MCTS1: variants seen among roughly 807,000 people sequenced by gnomAD.
MCTS1 encodes malignant T-cell-amplified sequence 1.
For missense variants in MCTS1, 55 were observed against 128.6 expected, an observed-to-expected ratio of 0.43 and a Z score of 2.77; for synonymous variants, 26 against 40.8, an observed-to-expected ratio of 0.64 and a Z score of 1.38.
rs1346864019 is a variant in MCTS1 at position 120,615,753 on chromosome X, ACTGT to A, written c.*3494_*3497del. Among the ~76,000 whole-genome samples the A allele has an allele frequency of 9.0e-6, 1 of 111,346 alleles. No individual in the cohort carries two copies. Among genetic ancestry groups the A allele is most frequent in the Non-Finnish European group, 1.9e-5 (1 of 53,031 alleles). ...GGCCTGATCAGTTCTCTTCTAGCAG[ACTGT>A]CTGTTATGGTGGTTTGGTAGTGGTC... On this transcript the variant is annotated 3_prime_UTR_variant, in exon 6 of 6. Transcript: ENST00000371317.
Position 120,614,359 on chromosome X carries a change from A to T in MCTS1, c.*2095A>T, listed in dbSNP as rs1447317553. On this transcript the variant is annotated 3_prime_UTR_variant, in exon 6 of 6. Transcript: ENST00000371317. ...GGTAATATTTCAGTTGTGCTGAGGT[A>T]AGACTTGGAGAATTTTTCCTGCTTC... Among the ~76,000 whole-genome samples, 1 of 112,225 alleles carries T rather than the reference A, an allele frequency of 8.9e-6. No homozygotes were observed. The highest frequency in any genetic ancestry group is 1.9e-5 in the Non-Finnish European group (1 of 53,231).
chrX:120,607,919 G>GTTA (rs1305160492), intron 3 of MCTS1, among the ~76,000 whole-genome samples: 1 of 110,895 alleles, frequency 9.0e-6, no homozygotes. Context: ...AAAAACCATA[G>GTTA]TTTTGAAATT....
rs1351206313 is a variant in MCTS1 at position 120,617,611 on chromosome X, G to A, written c.*5347G>A. Among the ~76,000 whole-genome samples the A allele has an allele frequency of 8.9e-6, 1 of 111,897 alleles. No individual in the cohort carries two copies. Among genetic ancestry groups the A allele is most frequent in the East Asian group, 2.8e-4 (1 of 3,594 alleles). On this transcript the variant is annotated 3_prime_UTR_variant, in exon 6 of 6. Transcript: ENST00000371317. ...AATGCTTTACTTTCAGCCAATATGT[G>A]AATATAGGAGACTTCAAAAGCATAA...
At chrX:120,609,596 A>G (rs940735076) in intron 4 of MCTS1, among the ~76,000 whole-genome samples, 3 of 112,123 alleles carry the variant, frequency 2.7e-5, no homozygotes, top group Non-Finnish European at 5.6e-5. Flanking sequence ...TTATGTTGAC[A>G]TGCTTTTTGC....
rs991516684 is a variant in MCTS1 at position 120,614,370 on chromosome X, A to C, written c.*2106A>C. On this transcript the variant is annotated 3_prime_UTR_variant, in exon 6 of 6. Transcript: ENST00000371317. The stretch of plus-strand genomic sequence containing the variant: ...AGTTGTGCTGAGGTAAGACTTGGAG[A>C]ATTTTTCCTGCTTCATCATTAATTA... Among the ~76,000 whole-genome samples the C allele has an allele frequency of 1.8e-5, 2 of 111,952 alleles. No homozygotes were observed. Among genetic ancestry groups the C allele is most frequent in the East Asian group, 5.6e-4 (2 of 3,594 alleles).
intron 1 of MCTS1, chrX:120,604,719 C>G: frequency 9.6e-7 from 1 of 1,042,798 alleles, no homozygotes; most frequent in East Asian, 3.7e-5. Flanking sequence ...TATTGCCTAG[C>G]TGCCAGATTA....
In MCTS1 at chrX:120,614,950, C is replaced by T. The variant is rs776129954; in HGVS notation, c.*2686C>T. Among the ~76,000 whole-genome samples, 4 of 112,107 alleles carry T rather than the reference C, an allele frequency of 3.6e-5. No individual in the cohort carries two copies. In the East Asian group the frequency reaches 1.1e-3, roughly 31 times the overall value. On this transcript the variant is annotated 3_prime_UTR_variant, in exon 6 of 6. Transcript: ENST00000371317. The stretch of plus-strand genomic sequence containing the variant: ...TAAGGAACACTTTTTAAATATTCAA[C>T]ATCAACATCTGTGCTTGTTTTTCTA...
Position 120,615,473 on chromosome X carries a change from G to A in MCTS1, c.*3209G>A, listed in dbSNP as rs1159535776. ...GCTCTTAAGGAGCTTCCAATCTAGT[G>A]AGTAAAGAAAATTTACATTTTAAAT... On this transcript the variant is annotated 3_prime_UTR_variant, in exon 6 of 6. Transcript: ENST00000371317. Among the ~76,000 whole-genome samples, 1 of 111,677 alleles carries A rather than the reference G, an allele frequency of 9.0e-6. No homozygotes were observed. Among genetic ancestry groups the A allele is most frequent in the African/African-American group, 3.3e-5 (1 of 30,756 alleles).
rs1926776385 is a variant in MCTS1 at position 120,614,064 on chromosome X, G to A, written c.*1800G>A. ...TTACAGTTAGAAGTTGGTGAGAAAG[G>A]TGAGGGTGGATAGCAAAAAGAGAGA... is the stretch of plus-strand genomic sequence containing the variant. On this transcript the variant is annotated 3_prime_UTR_variant, in exon 6 of 6. Transcript: ENST00000371317. Among the ~76,000 whole-genome samples, 2 of 112,132 alleles carry A rather than the reference G, an allele frequency of 1.8e-5. No individual in the cohort carries two copies. The highest frequency in any genetic ancestry group is 7.3e-4 in the South Asian group (2 of 2,755).
intron 1 of MCTS1, chrX:120,604,864 G>A: frequency 8.6e-7 from 1 of 1,159,284 alleles, no homozygotes; most frequent in South Asian, 2.0e-5. Flanking sequence ...ATGGGCAAAG[G>A]AAGGTGGGTT....
At position 120,612,970 on chromosome X, in the gene MCTS1, A is replaced by T. The variant is rs1355732403; in HGVS notation, c.*706A>T. Among the ~76,000 whole-genome samples the T allele has an allele frequency of 1.0e-5, 1 of 98,769 alleles. No homozygotes were observed. 85.8% of individuals were successfully genotyped at this position (98,769 alleles called of 115,157 possible). On this transcript the variant is annotated 3_prime_UTR_variant, in exon 6 of 6. Coordinates refer to ENST00000371317, the MANE Select transcript of MCTS1 (RefSeq NM_014060.3). ...GAAACAGGGTCTTGCTCTGTTGCCC[A>T]GGCTGGAGTGCAGTGGTACGATCTT... is the stretch of plus-strand genomic sequence containing the variant.
rs1377870696 is a variant in MCTS1 at position 120,618,564 on chromosome X, T to G, written c.*6300T>G. On this transcript the variant is annotated 3_prime_UTR_variant, in exon 6 of 6. Transcript: ENST00000371317. Reference sequence around the variant, plus strand: ...CATTTTAGATTTAAGCAAGTTCAACTTGAAATATATTTGAATATGAAGTAG... The same window carrying G: ...CATTTTAGATTTAAGCAAGTTCAACGTGAAATATATTTGAATATGAAGTAG... 8.9e-6 allele frequency among the ~76,000 whole-genome samples: 1 copy of G among 112,461 alleles called. No individual in the cohort carries two copies. The highest frequency in any genetic ancestry group is 3.2e-5 in the African/African-American group (1 of 30,995).
rs2147375854 is a variant in MCTS1, at chrX:120,612,769, A to G, written c.*505A>G. On this transcript the variant is annotated 3_prime_UTR_variant, in exon 6 of 6. Transcript: ENST00000371317. ...ATGGAAAATTCTAAACATATTAAGA[A>G]GTCTGGAGAATAGTATAATGGACCT... Among the ~76,000 whole-genome samples the G allele has an allele frequency of 9.2e-6, 1 of 108,287 alleles. No individual in the cohort carries two copies. Among genetic ancestry groups the G allele is most frequent in the East Asian group, 2.9e-4 (1 of 3,459 alleles). 94.0% of individuals were successfully genotyped at this position (108,287 alleles called of 115,157 possible). A position where few individuals can be genotyped will look rare whatever the true frequency, so the allele number is the denominator to read the frequency against.
At position 120,617,248 on chromosome X, in the gene MCTS1, A is replaced by G. The variant is rs1437167783; in HGVS notation, c.*4984A>G. Among the ~76,000 whole-genome samples the G allele has an allele frequency of 8.9e-6, 1 of 111,849 alleles. No homozygotes were observed. Among genetic ancestry groups the G allele is most frequent in the East Asian group, 2.8e-4 (1 of 3,590 alleles). ...GCTTCATTGCCCAGGCTGGAGTGCA[A>G]TGGCACGATCTCGGCTCACTGCAAC... On this transcript the variant is annotated 3_prime_UTR_variant, in exon 6 of 6. Transcript: ENST00000371317.
chrX:120,609,686 GTTGT>G (rs1405213729), intron 4 of MCTS1, among the ~76,000 whole-genome samples: 2 of 111,734 alleles, frequency 1.8e-5, no homozygotes, highest in African/African-American at 6.5e-5. Flanking sequence ...TTTTGTTGTT[GTTGT>G]TTGTTTTTAA....
In MCTS1 at chrX:120,618,963, C is replaced by T. The variant is rs1399351185; in HGVS notation, c.*6699C>T. 1.8e-5 allele frequency among the ~76,000 whole-genome samples: 2 copies of T among 111,677 alleles called. No individual in the cohort carries two copies. Among genetic ancestry groups the T allele is most frequent in the Non-Finnish European group, 3.8e-5 (2 of 53,161 alleles). On this transcript the variant is annotated 3_prime_UTR_variant, in exon 6 of 6. Transcript: ENST00000371317. ...GGATGCAGGAATCTCACTTAAGTAG[C>T]GGTTTTTGCTGATATAAAGACAAAC...
At position 120,612,336 on chromosome X, in the gene MCTS1, G is replaced by A; in HGVS notation, c.*72G>A. 1.3e-6 allele frequency: 1 copy of A among 749,470 alleles called. No homozygotes were observed. The highest frequency in any genetic ancestry group is 2.1e-5 in the African/African-American group (1 of 46,869). 61.8% of individuals were successfully genotyped at this position (749,470 alleles called of 1,213,427 possible). On this transcript the variant is annotated 3_prime_UTR_variant, in exon 6 of 6. Transcript: ENST00000371317. ...TCTGTGTTTGTGTCTGTGTGTGACA[G>A]CATGAAGATAATGCCTGTGGTTATG...
intron 3 of MCTS1, among the ~76,000 whole-genome samples, chrX:120,607,086 T>G (rs5956229): frequency 0.31 from 33,290 of 106,770 alleles, 3,590 homozygotes; most frequent in East Asian, 0.43. Flanking sequence ...TCCTGTGATG[T>G]GTGTAAATGC....
chrX:120,604,856 G>A (rs767404225), intron 1 of MCTS1: 3 of 1,156,834 alleles, frequency 2.6e-6, no homozygotes, highest in Admixed American at 5.5e-5. Context: ...GGGGGAACAT[G>A]GGCAAAGGAA....
Sources: allele counts gnomAD v4.1 joint callset (sites outside exome capture counted in the v4.1 genomes callset), GRCh38; gene constraint gnomAD v4.1.1; transcripts MANE v1.5; gene names NCBI Gene and HGNC (gene_info 2026-07-23, HGNC 2026-07-21).